Variants in DSCAM observed in about 807,000 individuals in gnomAD.
DSCAM encodes cell adhesion molecule DSCAM.
A neutral mutation model predicts 217.7 loss-of-function variants in DSCAM; 47 were observed. The ratio of observed to expected loss-of-function variants is 0.22; its 90% CI spans 0.17 to 0.28. DSCAM has a LOEUF of 0.28. Among genes scored for constraint, DSCAM ranks in the 10% least tolerant of loss-of-function variants. The probability of loss-of-function intolerance (pLI) is 1.00; values close to 1 mark genes in which losing one functional copy is unlikely to be tolerated. For synonymous variants in DSCAM, 1,056 were observed against 1,015.3 expected (o/e 1.04, Z -0.76); for missense variants, 2,080 against 2,618.3 (o/e 0.79, Z 4.49).
intron 3 of DSCAM, among the ~76,000 whole-genome samples, chr21:40,532,259 A>G (rs1269112399): frequency 6.8e-6 from 1 of 146,782 alleles, no homozygotes; most frequent in Non-Finnish European, 1.5e-5. Context: ...TGAATCTGAA[A>G]TACTAATAAA....
At position 40,614,707 on chromosome 21, in the gene DSCAM, G is replaced by C. The variant is rs1601789822; in HGVS notation, c.508+78103C>G. Among the ~76,000 whole-genome samples, 4 of 152,276 alleles carry C rather than the reference G, an allele frequency of 2.6e-5. No individual in the cohort carries two copies. In the South Asian group the frequency reaches 8.3e-4, roughly 32 times the overall value. ...AACAGTTGTATGTCCAGTAACGGAA[G>C]TGCTGACTATCGTATGAGATGAGAT... On this transcript the variant is annotated intron_variant, in intron 3 of 32. Transcript: ENST00000400454.
chr21:40,240,070 G>A (rs540356763), intron 11 of DSCAM, among the ~76,000 whole-genome samples: 1 of 152,266 alleles, frequency 6.6e-6, no homozygotes, highest in South Asian at 2.1e-4. Context: ...AATTGCCAGG[G>A]TACAACCCAG....
chr21:40,785,469 A>G (rs1205169537), intron 1 of DSCAM, among the ~76,000 whole-genome samples: 3 of 152,236 alleles, frequency 2.0e-5, no homozygotes, highest in Admixed American at 6.5e-5. Context: ...ACTGGCCAAT[A>G]CACTTATCAG....
chr21:40,652,302 CT>C (rs1427097945), intron 3 of DSCAM, among the ~76,000 whole-genome samples: 2 of 150,648 alleles, frequency 1.3e-5, no homozygotes, highest in African/African-American at 4.9e-5. Flanking sequence ...ACATGTGCCC[CT>C]GAAGTTAAAA....
At chr21:40,373,914 T>A (rs1254358450) in intron 3 of DSCAM, among the ~76,000 whole-genome samples, 1 of 152,218 alleles carries the variant, frequency 6.6e-6, no homozygotes, top group East Asian at 1.9e-4. Flanking sequence ...TGATGAGTAA[T>A]CTCTTTGTTC....
intron 3 of DSCAM, among the ~76,000 whole-genome samples, chr21:40,413,034 G>A (rs1047965582): frequency 2.5e-4 from 38 of 152,226 alleles, no homozygotes; most frequent in African/African-American, 9.2e-4. Flanking sequence ...ACATGGTGTT[G>A]ACCCTGCGAG....
At chr21:40,061,442 G>A (rs755616397) in intron 28 of DSCAM, among the ~76,000 whole-genome samples, 71 of 151,918 alleles carry the variant, frequency 4.7e-4, no homozygotes, top group South Asian at 1.2e-3. Context: ...GGTGGCGGGC[G>A]CCTGTAATCG....
chr21:40,017,759 T>C (rs1378601297), intron 32 of DSCAM, among the ~76,000 whole-genome samples: 1 of 152,006 alleles, frequency 6.6e-6, no homozygotes, highest in Non-Finnish European at 1.5e-5. Context: ...TCCATGTTGG[T>C]CAGGCTGGTC....
At chr21:40,088,883 C>T (rs1314273974) in intron 21 of DSCAM, among the ~76,000 whole-genome samples, 1 of 152,214 alleles carries the variant, frequency 6.6e-6, no homozygotes, top group Non-Finnish European at 1.5e-5. Context: ...CCAGAAGCTA[C>T]ACATGCATTG....
chr21:40,022,371 G>A (rs934065304), intron 32 of DSCAM, among the ~76,000 whole-genome samples: 6 of 152,158 alleles, frequency 3.9e-5, no homozygotes, highest in Admixed American at 3.9e-4. Context: ...AAATACTAAC[G>A]GTGCTGCTGT....
chr21:40,303,649 T>C (rs891071036), intron 9 of DSCAM, among the ~76,000 whole-genome samples: 2 of 152,094 alleles, frequency 1.3e-5, no homozygotes, highest in Non-Finnish European at 2.9e-5. Context: ...ACAGCACCTA[T>C]TATAAAACAA....
intron 11 of DSCAM, among the ~76,000 whole-genome samples, chr21:40,232,949 A>G (rs1009428353): frequency 2.0e-5 from 3 of 152,150 alleles, no homozygotes; most frequent in Non-Finnish European, 4.4e-5. Flanking sequence ...TTAAATATGT[A>G]TAATTTATAA....
intron 1 of DSCAM, among the ~76,000 whole-genome samples, chr21:40,710,017 T>G (rs2090761457): frequency 6.6e-6 from 1 of 152,208 alleles, no homozygotes; most frequent in African/African-American, 2.4e-5. Context: ...TCCTGACTTT[T>G]TAATGGTCAC....
chr21:40,342,308 TATAAA>T (rs1280223681), intron 6 of DSCAM, among the ~76,000 whole-genome samples: 1 of 152,104 alleles, frequency 6.6e-6, no homozygotes, highest in Admixed American at 6.6e-5. Context: ...TTTGTGTGTG[TATAAA>T]ATATTTTATC....
At chr21:40,592,740 C>T (rs1048431749) in intron 3 of DSCAM, among the ~76,000 whole-genome samples, 3 of 152,202 alleles carry the variant, frequency 2.0e-5, no homozygotes, top group Admixed American at 2.0e-4. Context: ...GTCATCTCTA[C>T]AGCATCACTC....
intron 4 of DSCAM, 25 bp from the exon 5 acceptor site, chr21:40,353,768 G>A (rs865943104): frequency 2.0e-6 from 3 of 1,502,664 alleles, no homozygotes; most frequent in Middle Eastern, 1.8e-4. Flanking sequence ...AAAACTCTTA[G>A]AGGCAGGAAT....
intron 11 of DSCAM, among the ~76,000 whole-genome samples, chr21:40,275,878 C>T (rs1264817917): frequency 6.6e-6 from 1 of 152,154 alleles, no homozygotes; most frequent in Non-Finnish European, 1.5e-5. Flanking sequence ...GCTCCACACA[C>T]AAGGGGCCCT....
intron 10 of DSCAM, among the ~76,000 whole-genome samples, chr21:40,293,073 C>A (rs773212989): frequency 2.0e-5 from 3 of 152,086 alleles, no homozygotes; most frequent in Admixed American, 6.5e-5. Context: ...CTGGCAAAAA[C>A]CAAAAATATG....
At chr21:40,384,066 A>G (rs2075055492) in intron 3 of DSCAM, 1 of 152,248 alleles carries the variant, frequency 6.6e-6, no homozygotes, top group South Asian at 2.1e-4. Context: ...CTGCTTGGAG[A>G]TCACAGCCAA....
Sources: gnomAD v4.1 joint callset for allele counts (sites outside exome capture counted in the v4.1 genomes callset) on GRCh38, gnomAD v4.1.1 for gene constraint, MANE v1.5 for transcripts, NCBI Gene and HGNC (gene_info 2026-07-23, HGNC 2026-07-21) for gene names.